The following PSMG2 variants were observed in gnomAD, a reference collection of about 807,000 sequenced individuals.
PSMG2 encodes CD40 ligand-activated specific transcript 3.
PSMG2 carries 21 observed loss-of-function variants against 31.5 expected under a neutral mutation model. That is an observed-to-expected ratio of 0.67 (90% CI 0.47 to 0.96). The LOEUF (loss-of-function observed/expected upper bound fraction) is 0.96. Ranked by LOEUF, PSMG2 falls within the 40% of genes least tolerant of loss-of-function variation. The pLI is 0.00. For synonymous variants in PSMG2, 120 were observed against 110.4 expected, an observed-to-expected ratio of 1.09 and a Z score of -0.54; for missense variants, 318 against 321.2, an observed-to-expected ratio of 0.99 and a Z score of 0.08.
At chr18:12,708,158 A>G (rs1258607981) in intron 2 of PSMG2, among the ~76,000 whole-genome samples, 5 of 151,964 alleles carry the variant, frequency 3.3e-5, no homozygotes, top group Admixed American at 6.6e-5. Context: ...TGTAGTCCCA[A>G]CCTCTTAGGA....
intron 3 of PSMG2, among the ~76,000 whole-genome samples, chr18:12,716,547 T>C (rs1354791280): frequency 6.6e-6 from 1 of 151,498 alleles, no homozygotes; most frequent in Non-Finnish European, 1.5e-5. Context: ...GCGCCCACCA[T>C]CACGCCCGGC....
At chr18:12,659,676 A>G (rs1045661820) in intron 1 of PSMG2, among the ~76,000 whole-genome samples, 1 of 152,158 alleles carries the variant, frequency 6.6e-6, no homozygotes, top group Non-Finnish European at 1.5e-5. Flanking sequence ...TCTCAAAAAA[A>G]TAAATAATAA....
At chr18:12,674,545 G>A in intron 1 of PSMG2, 2 of 1,612,264 alleles carry the variant, frequency 1.2e-6, no homozygotes, top group Non-Finnish European at 1.7e-6. Flanking sequence ...CCGAAGACAT[G>A]TGGCAAATGC....
At chr18:12,721,806 G>A (rs183995552) in intron 5 of PSMG2, among the ~76,000 whole-genome samples, 1 of 151,486 alleles carries the variant, frequency 6.6e-6, no homozygotes, top group East Asian at 1.9e-4. Flanking sequence ...CTTTTCCAAG[G>A]TGTAAACTTA....
chr18:12,690,647 G>A (rs914721744), intron 1 of PSMG2, among the ~76,000 whole-genome samples: 2 of 152,036 alleles, frequency 1.3e-5, no homozygotes, highest in African/African-American at 4.8e-5. Flanking sequence ...AGTAGAAACG[G>A]GGTTTCACCG....
chr18:12,700,958 A>T (rs754068368), upstream of PSMG2: 1 of 1,611,282 alleles, frequency 6.2e-7, no homozygotes, highest in Admixed American at 1.7e-5. Flanking sequence ...GATTACTCAC[A>T]GTAACAAAAT....
At chr18:12,702,370 C>G, upstream of PSMG2, 1 of 781,966 alleles carries the variant, frequency 1.3e-6, no homozygotes, top group Non-Finnish European at 2.2e-6. Context: ...TTGCGCACCC[C>G]ACAATCCTCG....
chr18:12,674,656 G>A (rs1450885859), intron 1 of PSMG2: 2 of 1,613,864 alleles, frequency 1.2e-6, no homozygotes, highest in Non-Finnish European at 1.7e-6. Context: ...TTCATTGCCT[G>A]CTGATATACT....
At chr18:12,692,646 C>A (rs182463873) in intron 1 of PSMG2, among the ~76,000 whole-genome samples, 2 of 152,282 alleles carry the variant, frequency 1.3e-5, no homozygotes, top group East Asian at 3.9e-4. Flanking sequence ...CTCCATAAAA[C>A]ACCTTCTACT....
intron 1 of PSMG2, chr18:12,670,591 T>C (rs2038918014): frequency 6.6e-6 from 1 of 152,222 alleles, no homozygotes; most frequent in South Asian, 2.1e-4. Flanking sequence ...GTCTCAAAAG[T>C]TGAAAATTAC....
At chr18:12,673,706 C>A (rs1008620959) in intron 1 of PSMG2, among the ~76,000 whole-genome samples, 2 of 151,940 alleles carry the variant, frequency 1.3e-5, no homozygotes, top group African/African-American at 4.8e-5. Flanking sequence ...ATAGTGAAAC[C>A]CCGCCTCTAC....
intron 1 of PSMG2, among the ~76,000 whole-genome samples, chr18:12,673,951 G>C (rs971203560): frequency 6.6e-6 from 1 of 152,120 alleles, no homozygotes; most frequent in Admixed American, 6.6e-5. Flanking sequence ...TTTTGGTCAA[G>C]CTATTCAAAT....
intron 1 of PSMG2, among the ~76,000 whole-genome samples, chr18:12,705,583 G>GTA (rs2040259876): frequency 6.6e-6 from 1 of 151,154 alleles, no homozygotes; most frequent in African/African-American, 2.4e-5. Context: ...GAGAGTGTGT[G>GTA]TGTGTGTGTG....
chr18:12,694,498 A>T (rs2039879138), intron 1 of PSMG2, among the ~76,000 whole-genome samples: 1 of 152,240 alleles, frequency 6.6e-6, no homozygotes, highest in Non-Finnish European at 1.5e-5. Context: ...CCAGGAAGAA[A>T]GTAATTCATC....
intron 1 of PSMG2, among the ~76,000 whole-genome samples, chr18:12,678,772 A>G (rs959089981): frequency 2.0e-5 from 3 of 152,038 alleles, no homozygotes; most frequent in Admixed American, 6.6e-5. Flanking sequence ...CCTGACCAAC[A>G]TGGTGAAACC....
intron 3 of PSMG2, among the ~76,000 whole-genome samples, chr18:12,714,337 G>A (rs1008095510): frequency 6.6e-6 from 1 of 152,174 alleles, no homozygotes; most frequent in African/African-American, 2.4e-5. Flanking sequence ...GCTTCCCTGT[G>A]TTGTTAGACA....
At chr18:12,670,986 C>CAT (rs1448566047) in intron 1 of PSMG2, 1 of 152,074 alleles carries the variant, frequency 6.6e-6, no homozygotes, top group African/African-American at 2.4e-5. Flanking sequence ...TTTCTACAGT[C>CAT]ATGTCAGTCT....
At chr18:12,661,942 G>A (rs2038700473) in intron 1 of PSMG2, 1 of 243,892 alleles carries the variant, frequency 4.1e-6, no homozygotes. Flanking sequence ...TGAAGTCCAT[G>A]TTACTCTGAA....
At chr18:12,724,478 T>C in intron 5 of PSMG2, 21 bp from the exon 6 acceptor site, 3 of 1,581,322 alleles carry the variant, frequency 1.9e-6, no homozygotes, top group Non-Finnish European at 2.6e-6. Context: ...GAATACTGAT[T>C]CTTATTTTTA....
Sources: allele counts gnomAD v4.1 joint callset (sites outside exome capture counted in the v4.1 genomes callset), GRCh38; gene constraint gnomAD v4.1.1; transcripts MANE v1.5; gene names NCBI Gene and HGNC (gene_info 2026-07-23, HGNC 2026-07-21).